Variants in NAALADL2 observed in about 807,000 individuals in gnomAD.
NAALADL2 encodes inactive N-acetylated-alpha-linked acidic dipeptidase-like protein 2.
In NAALADL2, 76 loss-of-function variants were observed where a neutral mutation model predicts 87.2. The ratio of observed to expected loss-of-function variants is 0.87; its 90% CI spans 0.72 to 1.05. The LOEUF is 1.05. NAALADL2 is among the 50% of genes least tolerant of loss of function. The pLI, the probability that NAALADL2 is intolerant of heterozygous loss-of-function variation, is 0.00. For synonymous variants in NAALADL2, 354 were observed against 331.0 expected, an observed-to-expected ratio of 1.07 and a Z score of -0.75; for missense variants, 1,089 against 945.8, an observed-to-expected ratio of 1.15 and a Z score of -1.99.
chr3:175,016,613 ATCT>A (rs938299685), intron 1 of NAALADL2, among the ~76,000 whole-genome samples: 6 of 151,774 alleles, frequency 4.0e-5, no homozygotes, highest in Non-Finnish European at 5.9e-5. Flanking sequence ...AATTAAAGAA[ATCT>A]TCTTAAATAA....
At chr3:175,189,660 T>A (rs533177284) in intron 2 of NAALADL2, among the ~76,000 whole-genome samples, 30 of 152,258 alleles carry the variant, frequency 2.0e-4, no homozygotes, top group African/African-American at 7.2e-4. Flanking sequence ...ATACACAGAT[T>A]CAGTGCAATT....
intron 5 of NAALADL2, among the ~76,000 whole-genome samples, chr3:175,344,545 C>T (rs562492942): frequency 6.6e-6 from 1 of 151,882 alleles, no homozygotes; most frequent in African/African-American, 2.4e-5. Flanking sequence ...AATAATTTGA[C>T]ATAACTTTAA....
intron 3 of NAALADL2, among the ~76,000 whole-genome samples, chr3:174,808,618 C>A (rs114881564): frequency 6.6e-6 from 1 of 152,168 alleles, no homozygotes; most frequent in African/African-American, 2.4e-5. Flanking sequence ...TTCCAGGAAC[C>A]TGGCCACTAA....
intron 2 of NAALADL2, among the ~76,000 whole-genome samples, chr3:174,558,662 G>C (rs966772002): frequency 4.6e-5 from 7 of 152,064 alleles, no homozygotes; most frequent in African/African-American, 1.4e-4. Flanking sequence ...GCCAGCGATG[G>C]GGAGGGGCTG....
chr3:175,144,161 T>C (rs1730424877), intron 2 of NAALADL2, among the ~76,000 whole-genome samples: 1 of 151,958 alleles, frequency 6.6e-6, no homozygotes, highest in Admixed American at 6.6e-5. Context: ...AACACTGTCC[T>C]TGAATGATGT....
chr3:175,232,221 A>AGAAGAAGAG (rs1560200515), intron 2 of NAALADL2, among the ~76,000 whole-genome samples: 10 of 148,750 alleles, frequency 6.7e-5, no homozygotes, highest in Admixed American at 1.4e-4. Context: ...GAAGAGAAGA[A>AGAAGAAGAG]GAAGAAGAGG....
At chr3:175,581,163 C>T (rs777417848) in intron 10 of NAALADL2, 56 of 389,024 alleles carry the variant, frequency 1.4e-4, no homozygotes, top group Non-Finnish European at 2.5e-4. Flanking sequence ...CTGAATAGGC[C>T]GGACGCGGTG....
Position 175,233,950 on chromosome 3 carries a change from A to T in NAALADL2, c.565A>T (p.Lys189Ter). ...KSFRNLVQLY[K>*]NEDDMEISKK... The stretch of plus-strand genomic sequence containing the variant: ...TTTCAGAAATTTGGTACAACTATAT[A>T]AAAATGAAGATGACATGGAAATTTC... Residue 189 changes from lysine (K) to a stop codon, truncating the protein, a stop_gained, in exon 3 of 14, where the codon AAA (lysine) becomes TAA (stop). Transcript: ENST00000454872. LOFTEE classifies it high-confidence loss of function. 1 of 1,586,590 alleles carries T rather than the reference A, an allele frequency of 6.3e-7. No individual in the cohort carries two copies. Among genetic ancestry groups the T allele is most frequent in the Non-Finnish European group, 8.6e-7 (1 of 1,159,666 alleles).
intron 6 of NAALADL2, among the ~76,000 whole-genome samples, chr3:175,458,392 T>C (rs1001699511): frequency 6.6e-6 from 1 of 150,990 alleles, no homozygotes; most frequent in African/African-American, 2.4e-5. Context: ...TACACACACA[T>C]ACACACGGTT....
intron 11 of NAALADL2, among the ~76,000 whole-genome samples, chr3:175,680,972 G>C (rs1051716614): frequency 8.5e-5 from 13 of 152,072 alleles, no homozygotes; most frequent in Non-Finnish European, 1.6e-4. Flanking sequence ...AATTAGCTGG[G>C]TGTGGTGGTG....
chr3:174,551,228 A>G (rs1173308808), intron 2 of NAALADL2: 1 of 152,104 alleles, frequency 6.6e-6, no homozygotes, highest in African/African-American at 2.4e-5. Context: ...AATGCAAATA[A>G]GTTCATTCAG....
Position 174,668,622 on chromosome 3 carries a change from C to G in NAALADL2, c.-114-69019C>G, listed in dbSNP as rs1304997307. ...GTGTGTGATGTTTCCCTTCCTGTGT[C>G]CATGTGTTCTCATTGTTCAATTCCC... On this transcript the variant is annotated intron_variant, in intron 2 of 3. Coordinates refer to the NAALADL2 transcript ENST00000434257. Among the ~76,000 whole-genome samples the G allele has an allele frequency of 6.6e-5, 10 of 152,164 alleles. No homozygotes were observed. In the East Asian group the frequency reaches 1.9e-3, roughly 30 times the overall value.
At chr3:175,346,848 A>G (rs1763208050) in intron 5 of NAALADL2, among the ~76,000 whole-genome samples, 1 of 152,192 alleles carries the variant, frequency 6.6e-6, no homozygotes, top group South Asian at 2.1e-4. Flanking sequence ...TCAAGAAACT[A>G]GATGCATGTT....
At chr3:175,698,873 C>T (rs146321644) in intron 11 of NAALADL2, among the ~76,000 whole-genome samples, 1 of 151,876 alleles carries the variant, frequency 6.6e-6, no homozygotes, top group African/African-American at 2.4e-5. Flanking sequence ...ACATACTATC[C>T]TACAGCATGA....
At chr3:174,608,954 G>C (rs1425854719) in intron 2 of NAALADL2, among the ~76,000 whole-genome samples, 2 of 151,452 alleles carry the variant, frequency 1.3e-5, no homozygotes, top group African/African-American at 2.4e-5. Context: ...ACATCAAAAA[G>C]CTTATCCACC....
chr3:174,695,786 T>C (rs1029282002), intron 2 of NAALADL2, among the ~76,000 whole-genome samples: 1 of 152,066 alleles, frequency 6.6e-6, no homozygotes, highest in Admixed American at 6.6e-5. Flanking sequence ...TATCACTTCT[T>C]AATTTGCAAT....
At chr3:174,864,412 C>G (rs190435822) in intron 1 of NAALADL2, among the ~76,000 whole-genome samples, 1 of 152,030 alleles carries the variant, frequency 6.6e-6, no homozygotes, top group Non-Finnish European at 1.5e-5. Context: ...AAAGCCAATT[C>G]TCAAACACTT....
intron 11 of NAALADL2, among the ~76,000 whole-genome samples, chr3:175,692,887 A>G (rs1737236658): frequency 6.6e-6 from 1 of 152,172 alleles, no homozygotes; most frequent in Non-Finnish European, 1.5e-5. Context: ...GGAGCTGTCC[A>G]CAAGACCCAT....
At chr3:174,605,167 T>C (rs1718870067) in intron 2 of NAALADL2, among the ~76,000 whole-genome samples, 1 of 152,012 alleles carries the variant, frequency 6.6e-6, no homozygotes, top group Admixed American at 6.6e-5. Flanking sequence ...CAAGTAAAAG[T>C]AAAACTAGGG....
Sources: allele counts gnomAD v4.1 joint callset (sites outside exome capture counted in the v4.1 genomes callset), GRCh38; gene constraint gnomAD v4.1.1; transcripts MANE v1.5; gene names NCBI Gene and HGNC (gene_info 2026-07-23, HGNC 2026-07-21).